Variants in OTOF observed in about 807,000 individuals in gnomAD.
OTOF encodes otoferlin, also known as fer-1-like family member 2.
Under a neutral mutation model 236.8 loss-of-function variants are expected in OTOF, and 218 were observed. That is an observed-to-expected ratio of 0.92 (90% CI 0.82 to 1.03). The LOEUF is 1.03. Among genes scored for constraint, OTOF ranks in the 50% least tolerant of loss-of-function variants. The pLI is 0.00. For synonymous variants in OTOF, 1,041 were observed against 1,072.5 expected, an observed-to-expected ratio of 0.97 and a Z score of 0.57; for missense variants, 2,590 against 2,694.4, an observed-to-expected ratio of 0.96 and a Z score of 0.86.
intron 8 of OTOF, among the ~76,000 whole-genome samples, chr2:26,500,125 C>A (rs984567778): frequency 1.3e-5 from 2 of 152,188 alleles, no homozygotes; most frequent in Non-Finnish European, 2.9e-5. Flanking sequence ...AAGTCAATTG[C>A]TCTTATGGCT....
At chr2:26,484,674 C>T (rs532882685) in intron 11 of OTOF, 41 bp from the exon 12 acceptor site, 1 of 1,607,468 alleles carries the variant, frequency 6.2e-7, no homozygotes, top group African/African-American at 1.3e-5. Context: ...GACACCCCCA[C>T]CCAGAGCGTC....
At position 26,458,152 on chromosome 2, in the gene OTOF, C is replaced by A; in HGVS notation, c.*86G>T. The A allele has an allele frequency of 6.2e-7, 1 of 1,614,014 alleles. No homozygotes were observed. Among genetic ancestry groups the A allele is most frequent in the Non-Finnish European group, 8.5e-7 (1 of 1,179,932 alleles). On this transcript the variant is annotated 3_prime_UTR_variant, in exon 47 of 47. Transcript: ENST00000272371. ...GATCTTGATGATGAGCCACTTGTACCGGGTGCAGATGAGGTACTTGATGGA... is the reference window on the plus strand; with the variant it reads ...GATCTTGATGATGAGCCACTTGTACAGGGTGCAGATGAGGTACTTGATGGA...
intron 9 of OTOF, among the ~76,000 whole-genome samples, chr2:26,494,213 G>C (rs1665919145): frequency 6.6e-6 from 1 of 152,250 alleles, no homozygotes; most frequent in Admixed American, 6.5e-5. Flanking sequence ...CTGTAAGATG[G>C]GGAGATTAAA....
At chr2:26,458,832 G>A (rs1267055951) in intron 46 of OTOF, among the ~76,000 whole-genome samples, 1 of 152,240 alleles carries the variant, frequency 6.6e-6, no homozygotes, top group Non-Finnish European at 1.5e-5. Context: ...TCAAACTACT[G>A]CCTCCCAGAG....
intron 14 of OTOF, 75 bp downstream of exon 14, chr2:26,482,331 G>A: frequency 1.5e-6 from 2 of 1,375,840 alleles, no homozygotes; most frequent in Non-Finnish European, 2.1e-6. Flanking sequence ...GGTGTGAAGA[G>A]AGGGCATCTC....
chr2:26,556,323 A>G (rs766138916), intron 1 of OTOF, among the ~76,000 whole-genome samples: 3 of 152,162 alleles, frequency 2.0e-5, no homozygotes, highest in Admixed American at 6.5e-5. Context: ...TTCCCTCTGA[A>G]TTGTGGTCAG....
chr2:26,486,780 A>T (rs1665711610), intron 11 of OTOF, among the ~76,000 whole-genome samples: 2 of 152,092 alleles, frequency 1.3e-5, no homozygotes, highest in Non-Finnish European at 2.9e-5. Flanking sequence ...TTGACTCATG[A>T]CTTCTGAGGC....
Position 26,460,541 on chromosome 2 carries a change from G to A in OTOF, c.5813+106C>T, listed in dbSNP as rs1664410524. 12 of 914,280 alleles carry A rather than the reference G, an allele frequency of 1.3e-5. No homozygotes were observed. The South Asian group carries it at 1.4e-4, about 11-fold the overall frequency. 56.6% of individuals were successfully genotyped at this position (914,280 alleles called of 1,614,324 possible). ...GGCAGGGAGGAGGCTCCCCTGTAAT[G>A]AGGCTGTGGCCCAGGAAGAGATGGG... is the stretch of plus-strand genomic sequence containing the variant. On this transcript the variant is annotated intron_variant, in intron 45 of 46. Transcript: ENST00000272371. The surrounding 1 kb of genome is among the most constrained non-coding windows in gnomAD (Gnocchi z 5.3).
intron 1 of OTOF, 137 bp from the exon 2 acceptor site, chr2:26,537,911 C>G (rs970721921): frequency 4.2e-5 from 30 of 722,572 alleles, no homozygotes; most frequent in Non-Finnish European, 6.7e-5. Flanking sequence ...GCTTGCTCAC[C>G]TCTCCCAGGG....
At chr2:26,527,990 A>C in intron 2 of OTOF, 70 bp from the exon 3 acceptor site, 3 of 1,113,400 alleles carry the variant, frequency 2.7e-6, no homozygotes, top group Non-Finnish European at 4.1e-6. Context: ...TGGGAGGGGA[A>C]TCTCTTGTGG....
rs397515435 is a variant in OTOF at position 26,480,968 on chromosome 2, C to T, written c.1621G>A (p.Gly541Ser). Residue 541 changes from glycine to serine, a missense_variant, in exon 15 of 47, where the codon GGC (glycine) becomes AGC (serine). By Grantham distance (56) the Gly-to-Ser change is moderately conservative (BLOSUM62 0). Transcript: ENST00000272371. ...TLGPAWVNMY[G>S]STRNYTLLDE... ...AGCAGCGTGTAGTTACGTGTGGAGC[C>T]GTACATGTTCACCCAGGCTGGGCCC... 3.7e-6 allele frequency: 6 copies of T among 1,613,060 alleles called. No homozygotes were observed. The highest frequency in any genetic ancestry group is 1.7e-5 in the Admixed American group (1 of 60,022).
At position 26,477,813 on chromosome 2, in the gene OTOF, C is replaced by G. The variant is rs1665393549; in HGVS notation, c.2215-64G>C. 6.3e-7 allele frequency: 1 copy of G among 1,598,030 alleles called. No homozygotes were observed. The highest frequency in any genetic ancestry group is 1.3e-5 in the African/African-American group (1 of 74,558). On this transcript the variant is annotated intron_variant, in intron 18 of 46. Coordinates refer to ENST00000272371, the MANE Select transcript of OTOF (RefSeq NM_194248.3). This position sits in a 1 kb window ranked among gnomAD's most constrained non-coding sequence, Gnocchi z 4.7. ...CCGCCTCCCCAGCCTCCCCAAATGC[C>G]TCCTCCCTGTTGATCAGGGGAGTGA... is the stretch of plus-strand genomic sequence containing the variant.
At chr2:26,525,892 A>G (rs1666788898) in intron 3 of OTOF, among the ~76,000 whole-genome samples, 3 of 152,018 alleles carry the variant, frequency 2.0e-5, no homozygotes, top group Admixed American at 2.0e-4. Context: ...TTCGATACCA[A>G]CCTGGCCAAC....
chr2:26,556,230 T>C (rs1667582003), intron 1 of OTOF, among the ~76,000 whole-genome samples: 1 of 152,196 alleles, frequency 6.6e-6, no homozygotes, highest in South Asian at 2.1e-4. Flanking sequence ...ACCAGTTTCT[T>C]GTTTCCCCCT....
At chr2:26,483,974 T>A (rs1030904632) in intron 12 of OTOF, among the ~76,000 whole-genome samples, 1 of 152,200 alleles carries the variant, frequency 6.6e-6, no homozygotes, top group Non-Finnish European at 1.5e-5. Context: ...ATTGTCAGTG[T>A]TTTATAGTTT....
chr2:26,489,355 G>A, intron 10 of OTOF, 60 bp from the exon 11 acceptor site: 1 of 1,311,020 alleles, frequency 7.6e-7, no homozygotes, highest in Non-Finnish European at 1.1e-6. Context: ...TTTCCATGGG[G>A]CAGTGGTGGG....
At position 26,466,781 on chromosome 2, in the gene OTOF, T is replaced by C. The variant is rs1385217285; in HGVS notation, c.4433A>G (p.Tyr1478Cys). The change falls in exon 36 of 47, where the codon TAC (tyrosine) becomes TGC (cysteine). Residue 1478 changes from tyrosine to cysteine, a missense_variant. By Grantham distance (194) the Tyr-to-Cys change is radical. Coordinates refer to ENST00000272371, the MANE Select transcript of OTOF (RefSeq NM_194248.3). ...VSREAGYDST[Y>C]GMFQGIPSND... is the part of the protein sequence containing the mutation. ...GCTCGGGATGCCCTGGAACATGCCGTAGGTGGAGTCGTAGCCGGCTTCCCG... is the reference window on the plus strand; with the variant it reads ...GCTCGGGATGCCCTGGAACATGCCGCAGGTGGAGTCGTAGCCGGCTTCCCG... The C allele has an allele frequency of 1.2e-6, 2 of 1,614,110 alleles. No homozygotes were observed. Among genetic ancestry groups the C allele is most frequent in the Admixed American group, 3.3e-5 (2 of 60,016 alleles).
intron 8 of OTOF, among the ~76,000 whole-genome samples, chr2:26,497,196 G>A (rs999322267): frequency 1.3e-4 from 19 of 144,740 alleles, no homozygotes; most frequent in Admixed American, 3.0e-4. Flanking sequence ...TCCACCTCCC[G>A]GGTTCAAGCT....
rs201753818 is a variant in OTOF at position 26,519,103 on chromosome 2, G to T, written c.234C>A (p.Ile78=). Residue 78 remains isoleucine, a synonymous_variant, in exon 4 of 47, where the codon ATC becomes ATA. Transcript: ENST00000272371. ...NYSKVFSNKL[I]GTFRMVLQKV... ...TCTGCAGCACCATGCGGAAGGTCCC[G>T]ATGAGCCTGGGGATGGCAGAGGGGG... 2 of 1,595,610 alleles carry T rather than the reference G, an allele frequency of 1.3e-6. No individual in the cohort carries two copies. Among genetic ancestry groups the T allele is most frequent in the Non-Finnish European group, 8.6e-7 (1 of 1,167,858 alleles).
Sources: allele counts gnomAD v4.1 joint callset (sites outside exome capture counted in the v4.1 genomes callset), GRCh38; gene constraint gnomAD v4.1.1; non-coding constraint Gnocchi (gnomAD v3.1); transcripts MANE v1.5; gene names NCBI Gene and HGNC (gene_info 2026-07-23, HGNC 2026-07-21).